Variants in GPC5 observed in about 807,000 individuals in gnomAD.
GPC5 encodes glypican-5.
GPC5 carries 47 observed loss-of-function variants against 53.9 expected under a neutral mutation model. The ratio of observed to expected loss-of-function variants is 0.87; its 90% CI spans 0.69 to 1.11. GPC5 has a LOEUF of 1.11. GPC5 is among the 50% of genes most tolerant of loss of function. GPC5 has a pLI of 0.00. For missense variants in GPC5, 748 were observed against 713.1 expected (o/e 1.05, Z -0.56); for synonymous variants, 286 against 263.3 (o/e 1.09, Z -0.84).
At chr13:92,712,039 G>C (rs1446370056) in intron 7 of GPC5, among the ~76,000 whole-genome samples, 3 of 148,738 alleles carry the variant, frequency 2.0e-5, no homozygotes, top group Non-Finnish European at 4.5e-5. Flanking sequence ...ACAAGCAGAA[G>C]AAAAGAAAAA....
intron 7 of GPC5, among the ~76,000 whole-genome samples, chr13:92,831,761 C>G (rs1053186448): frequency 1.6e-4 from 24 of 152,240 alleles, no homozygotes; most frequent in African/African-American, 5.8e-4. Flanking sequence ...TTCTAAGATA[C>G]GATTTTCTTT....
chr13:92,226,058 T>C lies in GPC5; in HGVS notation c.1561+81069T>C, dbSNP rs562911769. Reference sequence around the variant, plus strand: ...CCTTGCTGTTATCAGGAAAATGAGTTCTCACAAGATCTGATGGCTTAAGAG... The same window carrying C: ...CCTTGCTGTTATCAGGAAAATGAGTCCTCACAAGATCTGATGGCTTAAGAG... On this transcript the variant is annotated intron_variant, in intron 7 of 7. Coordinates refer to ENST00000377067, the MANE Select transcript of GPC5 (RefSeq NM_004466.6). Among the ~76,000 whole-genome samples the C allele has an allele frequency of 3.3e-5, 5 of 152,212 alleles. No homozygotes were observed. In the South Asian group the frequency reaches 6.2e-4, roughly 19 times the overall value.
chr13:92,543,390 T>C (rs1312855692), intron 7 of GPC5, among the ~76,000 whole-genome samples: 2 of 151,434 alleles, frequency 1.3e-5, no homozygotes, highest in African/African-American at 2.4e-5. Context: ...TATTCTCTTG[T>C]GTCTCAATGA....
chr13:92,205,119 C>T (rs1283912956), intron 7 of GPC5, among the ~76,000 whole-genome samples: 1 of 152,118 alleles, frequency 6.6e-6, no homozygotes, highest in Admixed American at 6.5e-5. Flanking sequence ...ACCTCGTGAT[C>T]CGCCCACCTC....
At chr13:91,518,734 T>C (rs1006898227) in intron 2 of GPC5, among the ~76,000 whole-genome samples, 1 of 152,128 alleles carries the variant, frequency 6.6e-6, no homozygotes. Context: ...TTTGTATTTT[T>C]AGTAGACATG....
At chr13:92,427,347 C>A (rs927709401) in intron 7 of GPC5, among the ~76,000 whole-genome samples, 1 of 148,958 alleles carries the variant, frequency 6.7e-6, no homozygotes. Flanking sequence ...CTGGCTCTCC[C>A]AGAAAATGAT....
intron 2 of GPC5, among the ~76,000 whole-genome samples, chr13:91,514,336 A>G (rs1885385420): frequency 6.6e-6 from 1 of 152,188 alleles, no homozygotes; most frequent in Non-Finnish European, 1.5e-5. Flanking sequence ...ATTCTAGCTA[A>G]TTTGATAGGT....
chr13:91,411,369 C>CTT (rs1395762113), intron 1 of GPC5, among the ~76,000 whole-genome samples: 10 of 152,232 alleles, frequency 6.6e-5, no homozygotes, highest in Admixed American at 2.6e-4. Flanking sequence ...GAGATAAGAA[C>CTT]TTATCTTCCA....
intron 6 of GPC5, among the ~76,000 whole-genome samples, chr13:91,983,886 A>G (rs1294801679): frequency 1.3e-5 from 2 of 152,184 alleles, no homozygotes; most frequent in African/African-American, 4.8e-5. Context: ...CCAGTCTTTC[A>G]TCCTTCCTTG....
intron 2 of GPC5, among the ~76,000 whole-genome samples, chr13:91,453,173 T>C (rs572371324): frequency 6.6e-6 from 1 of 152,064 alleles, no homozygotes; most frequent in Admixed American, 6.6e-5. Context: ...GGGGTTGAAA[T>C]GTTAGATTCA....
chr13:92,591,584 C>A (rs961358842), intron 7 of GPC5, among the ~76,000 whole-genome samples: 2 of 152,080 alleles, frequency 1.3e-5, no homozygotes, highest in African/African-American at 4.8e-5. Flanking sequence ...ACATAGTTGT[C>A]ATTTTTGTGA....
At chr13:91,655,727 G>A (rs1309126844) in intron 2 of GPC5, among the ~76,000 whole-genome samples, 2 of 151,980 alleles carry the variant, frequency 1.3e-5, no homozygotes, top group African/African-American at 2.4e-5. Flanking sequence ...TAAACAAACA[G>A]TGCCCTATGT....
intron 5 of GPC5, among the ~76,000 whole-genome samples, chr13:91,798,343 C>T (rs2038079777): frequency 6.6e-6 from 1 of 151,990 alleles, no homozygotes; most frequent in Non-Finnish European, 1.5e-5. Context: ...TGTCCCTTCC[C>T]CTGCCTCTCC....
intron 5 of GPC5, among the ~76,000 whole-genome samples, chr13:91,881,585 CATCT>C (rs1375062528): frequency 1.1e-4 from 16 of 152,228 alleles, no homozygotes; most frequent in African/African-American, 3.1e-4. Flanking sequence ...GACCTTTATA[CATCT>C]ATCTATCTAC....
intron 7 of GPC5, among the ~76,000 whole-genome samples, chr13:92,851,681 A>G (rs1188992547): frequency 6.6e-6 from 1 of 151,346 alleles, no homozygotes; most frequent in Non-Finnish European, 1.5e-5. Flanking sequence ...GGAGATTGAG[A>G]CCATCCTGGC....
At chr13:91,883,726 A>G (rs2039291934) in intron 5 of GPC5, among the ~76,000 whole-genome samples, 1 of 152,340 alleles carries the variant, frequency 6.6e-6, no homozygotes, top group Non-Finnish European at 1.5e-5. Context: ...TGCCATTTTA[A>G]GGACTTTGAC....
chr13:92,080,107 A>G (rs2041283786), intron 6 of GPC5, among the ~76,000 whole-genome samples: 1 of 152,146 alleles, frequency 6.6e-6, no homozygotes, highest in Admixed American at 6.5e-5. Flanking sequence ...CCTCTTTTTA[A>G]AACCCTTTCT....
At chr13:92,720,631 T>G (rs1303372866) in intron 7 of GPC5, among the ~76,000 whole-genome samples, 1 of 152,098 alleles carries the variant, frequency 6.6e-6, no homozygotes, top group Non-Finnish European at 1.5e-5. Context: ...CGTACATAAA[T>G]GCAAATATAT....
chr13:92,562,583 C>G (rs1882733906), intron 7 of GPC5, among the ~76,000 whole-genome samples: 1 of 152,076 alleles, frequency 6.6e-6, no homozygotes, highest in Non-Finnish European at 1.5e-5. Flanking sequence ...CCTCCTAAAA[C>G]ACAGTGAAGA....
Sources: gnomAD v4.1 joint callset for allele counts (sites outside exome capture counted in the v4.1 genomes callset) on GRCh38, gnomAD v4.1.1 for gene constraint, MANE v1.5 for transcripts, NCBI Gene and HGNC (gene_info 2026-07-23, HGNC 2026-07-21) for gene names.